PPARGC1B: variants seen among roughly 807,000 people sequenced by gnomAD.
PPARGC1B encodes PPARG coactivator 1 beta, also known as peroxisome proliferator-activated receptor gamma coactivator 1-beta.
Under a neutral mutation model 101.6 loss-of-function variants are expected in PPARGC1B, and 34 were observed. The ratio of observed to expected loss-of-function variants is 0.33; its 90% confidence interval spans 0.25 to 0.45. The LOEUF (loss-of-function observed/expected upper bound fraction) is 0.45, where lower values mean the gene tolerates loss of function less well. Among genes scored for constraint, PPARGC1B ranks in the 20% least tolerant of loss-of-function variants. The probability of loss-of-function intolerance (pLI) is 1.00; values close to 1 mark genes in which losing one functional copy is unlikely to be tolerated. For missense variants in PPARGC1B, 1,234 were observed against 1,317.6 expected (o/e 0.94, Z 0.98); for synonymous variants, 548 against 539.3 (o/e 1.02, Z -0.22).
chr5:149,820,130 T>G (rs568186244), intron 1 of PPARGC1B, among the ~76,000 whole-genome samples: 54 of 152,240 alleles, frequency 3.5e-4, no homozygotes, highest in African/African-American at 1.3e-3. Flanking sequence ...TTTACAGTCT[T>G]TAATAAAGTT....
chr5:149,787,335 T>G (rs1280491265), intron 1 of PPARGC1B, among the ~76,000 whole-genome samples: 3 of 152,228 alleles, frequency 2.0e-5, no homozygotes, highest in East Asian at 3.8e-4. Flanking sequence ...TGAGCTTAGC[T>G]TCACTGACCC....
rs760248462 is a variant in PPARGC1B, at chr5:149,826,681, T to C, written c.261T>C (p.Ser87=). The C allele has an allele frequency of 1.2e-6, 2 of 1,612,320 alleles. No homozygotes were observed. Among genetic ancestry groups the C allele is most frequent in the East Asian group, 4.5e-5 (2 of 44,868 alleles). Residue 87 remains serine, a synonymous_variant, in exon 3 of 12, where the codon AGT becomes AGC. Coordinates refer to ENST00000309241, the MANE Select transcript of PPARGC1B (RefSeq NM_133263.4). ...PDDSELFQID[S]ENEALLAELT... ...CGCCCTCCTCACTCCAGATTGACAG[T>C]GAGAATGAGGCCCTCCTGGCAGAGC...
chr5:149,760,401 C>G (rs1394563470), intron 1 of PPARGC1B, among the ~76,000 whole-genome samples: 1 of 152,236 alleles, frequency 6.6e-6, no homozygotes, highest in African/African-American at 2.4e-5. Context: ...TCTGAGGATT[C>G]TGCTACTTAA....
chr5:149,823,615 G>A (rs1758390266), intron 2 of PPARGC1B, among the ~76,000 whole-genome samples: 1 of 152,126 alleles, frequency 6.6e-6, no homozygotes, highest in Non-Finnish European at 1.5e-5. Flanking sequence ...GCTGAGCAGG[G>A]AGAGCCGAGC....
intron 1 of PPARGC1B, among the ~76,000 whole-genome samples, chr5:149,738,055 T>C (rs1754789275): frequency 6.6e-6 from 1 of 152,214 alleles, no homozygotes; most frequent in South Asian, 2.1e-4. Flanking sequence ...TTAAAGCATG[T>C]AACACATGCC....
intron 1 of PPARGC1B, among the ~76,000 whole-genome samples, chr5:149,769,189 C>A (rs1457626197): frequency 1.3e-5 from 2 of 152,228 alleles, no homozygotes; most frequent in African/African-American, 4.8e-5. Context: ...TCTAATGCCG[C>A]TGCTGATCTT....
intron 1 of PPARGC1B, among the ~76,000 whole-genome samples, chr5:149,735,860 T>C (rs552551133): frequency 1.4e-4 from 21 of 152,344 alleles, no homozygotes; most frequent in Non-Finnish European, 2.2e-4. Context: ...GTGCGGCGGC[T>C]CACGCCTGTA....
intron 8 of PPARGC1B, among the ~76,000 whole-genome samples, chr5:149,838,680 C>T (rs1399656504): frequency 6.6e-5 from 10 of 152,214 alleles, no homozygotes; most frequent in Non-Finnish European, 1.5e-4. Context: ...GAGAACTTCT[C>T]TAGAAACCCC....
At chr5:149,769,246 G>A (rs1756032529) in intron 1 of PPARGC1B, among the ~76,000 whole-genome samples, 1 of 152,238 alleles carries the variant, frequency 6.6e-6, no homozygotes, top group Non-Finnish European at 1.5e-5. Context: ...GGGAGCAGCT[G>A]TAAATACAGA....
chr5:149,835,323 A>G lies in PPARGC1B; in HGVS notation c.1765A>G (p.Ser589Gly), dbSNP rs150580046. The G allele has an allele frequency of 1.3e-4, 212 of 1,614,014 alleles. No individual in the cohort carries two copies. Among genetic ancestry groups the G allele is most frequent in the Non-Finnish European group, 1.7e-4 (197 of 1,180,028 alleles). Residue 589 changes from serine (S) to glycine (G), a missense_variant, in exon 7 of 12, where the codon AGC (serine) becomes GGC (glycine). Transcript: ENST00000309241. ...SQSDPTFGKK[S>G]FEQTLTVELC... ...CAGCGACCCAACTTTTGGCAAGAAG[A>G]GCTTTGAGCAGACCTTGACAGTGGA... is the stretch of plus-strand genomic sequence containing the variant.
chr5:149,769,433 C>T (rs1756039488), intron 1 of PPARGC1B, among the ~76,000 whole-genome samples: 1 of 152,224 alleles, frequency 6.6e-6, no homozygotes, highest in Admixed American at 6.5e-5. Flanking sequence ...CTGCCGGAGC[C>T]AGGCGTCAGG....
chr5:149,797,613 T>G (rs1375565230), intron 1 of PPARGC1B, among the ~76,000 whole-genome samples: 1 of 152,236 alleles, frequency 6.6e-6, no homozygotes, highest in African/African-American at 2.4e-5. Flanking sequence ...ATTCTACATT[T>G]CATTTGGTGC....
intron 1 of PPARGC1B, among the ~76,000 whole-genome samples, chr5:149,743,057 T>G (rs1209334723): frequency 6.6e-6 from 1 of 152,146 alleles, no homozygotes; most frequent in African/African-American, 2.4e-5. Flanking sequence ...CAGGGCCCAC[T>G]GTGTGCCAGG....
At position 149,837,328 on chromosome 5, in the gene PPARGC1B, GAA is replaced by G. The variant is rs1759143956; in HGVS notation, c.2618+258_2618+259del. Among the ~76,000 whole-genome samples, 1 of 152,208 alleles carries G rather than the reference GAA, an allele frequency of 6.6e-6. No individual in the cohort carries two copies. The highest frequency in any genetic ancestry group is 2.4e-5 in the African/African-American group (1 of 41,468). Reference sequence around the variant, plus strand: ...AAACATCCTGGCCTCCAGAAAGAAAGAAAACCCACTCCTGGCTATTTGTGGGC... The same window carrying G: ...AAACATCCTGGCCTCCAGAAAGAAAGAACCCACTCCTGGCTATTTGTGGGC... On this transcript the variant is annotated intron_variant, in intron 8 of 11. Transcript: ENST00000309241. The surrounding 1 kb of genome is among the most constrained non-coding windows in gnomAD (Gnocchi z 4.2).
At chr5:149,824,414 C>T (rs1431431813) in intron 2 of PPARGC1B, among the ~76,000 whole-genome samples, 3 of 152,138 alleles carry the variant, frequency 2.0e-5, no homozygotes, top group Non-Finnish European at 4.4e-5. Flanking sequence ...CCTCCCATGT[C>T]CCAGGCATTG....
chr5:149,735,784 A>G (rs929406978), intron 1 of PPARGC1B, among the ~76,000 whole-genome samples: 1 of 152,200 alleles, frequency 6.6e-6, no homozygotes, highest in Non-Finnish European at 1.5e-5. Context: ...TTTGTTCATC[A>G]GTGTTTTTCT....
At position 149,832,133 on chromosome 5, in the gene PPARGC1B, C is replaced by T. The variant is rs1227537474; in HGVS notation, c.583-523C>T. The stretch of plus-strand genomic sequence containing the variant: ...ACCAGCCTGGCCAACGTGGTGAAAC[C>T]TTGTCTCTACTAAAAAATACAAAAA... On this transcript the variant is annotated intron_variant, in intron 4 of 11. Transcript: ENST00000309241. This position sits in a 1 kb window ranked among gnomAD's most constrained non-coding sequence, Gnocchi z 4.9. Among the ~76,000 whole-genome samples the T allele has an allele frequency of 6.6e-6, 1 of 151,942 alleles. No individual in the cohort carries two copies. The highest frequency in any genetic ancestry group is 1.5e-5 in the Non-Finnish European group (1 of 67,992).
chr5:149,794,438 A>T (rs1354232703), intron 1 of PPARGC1B, among the ~76,000 whole-genome samples: 1 of 151,898 alleles, frequency 6.6e-6, no homozygotes, highest in African/African-American at 2.4e-5. Context: ...AGCAGAGCTC[A>T]CTCTCAGAGA....
At chr5:149,830,030 CAAAAAAAAAAAAAAAAAA>C (rs60711433) in intron 3 of PPARGC1B, among the ~76,000 whole-genome samples, 3 of 34,264 alleles carry the variant, frequency 8.8e-5, no homozygotes, top group African/African-American at 2.6e-4. Context: ...GACTGCATCT[CAAAAAAAAAAAAAAAAAA>C]AAAAAAGAAA....
Sources: allele counts gnomAD v4.1 joint callset (sites outside exome capture counted in the v4.1 genomes callset), GRCh38; gene constraint gnomAD v4.1.1; non-coding constraint Gnocchi (gnomAD v3.1); transcripts MANE v1.5; gene names NCBI Gene and HGNC (gene_info 2026-07-23, HGNC 2026-07-21).